SSH2: variants seen among roughly 807,000 people sequenced by gnomAD.
The protein encoded by SSH2 is slingshot protein phosphatase 2.
Under a neutral mutation model 135.2 loss-of-function variants are expected in SSH2, and 37 were observed. The observed-to-expected ratio is 0.27, with a 90% CI of 0.21 to 0.36. SSH2 has a LOEUF of 0.36. SSH2 is among the 10% of genes least tolerant of loss of function. The pLI, the probability that SSH2 is intolerant of heterozygous loss-of-function variation, is 1.00. For synonymous variants in SSH2, 628 were observed against 646.2 expected, an observed-to-expected ratio of 0.97 and a Z score of 0.43; for missense variants, 1,408 against 1,765.3, an observed-to-expected ratio of 0.80 and a Z score of 3.63.
At chr17:29,785,660 C>T (rs1447775224) in intron 3 of SSH2, among the ~76,000 whole-genome samples, 1 of 151,672 alleles carries the variant, frequency 6.6e-6, no homozygotes, top group Admixed American at 6.6e-5. Flanking sequence ...CCATCACGCT[C>T]AACTAATTTT....
At chr17:29,814,125 C>T (rs189054670) in intron 2 of SSH2, among the ~76,000 whole-genome samples, 600 of 48,220 alleles carry the variant, frequency 0.012, 3 homozygotes, top group African/African-American at 0.046. Context: ...AGTGAGACTT[C>T]GTCTCAAAAA....
chr17:29,843,381 A>G (rs768027765), intron 2 of SSH2, among the ~76,000 whole-genome samples: 26 of 152,074 alleles, frequency 1.7e-4, no homozygotes, highest in South Asian at 4.2e-4. Context: ...CTACAAATAA[A>G]AAATAATTGT....
chr17:29,792,042 C>A (rs768810207), intron 3 of SSH2, among the ~76,000 whole-genome samples: 10 of 151,634 alleles, frequency 6.6e-5, no homozygotes, highest in African/African-American at 2.4e-5. Context: ...TCTGCCTCAG[C>A]CTCCTGAGTA....
chr17:29,666,143 T>A (rs1224900319), intron 11 of SSH2, among the ~76,000 whole-genome samples: 1 of 151,784 alleles, frequency 6.6e-6, no homozygotes, highest in African/African-American at 2.4e-5. Context: ...AAGGACTAGG[T>A]GAGTGGATTG....
At chr17:29,735,540 T>C (rs1289844378) in intron 3 of SSH2, among the ~76,000 whole-genome samples, 1 of 151,448 alleles carries the variant, frequency 6.6e-6, no homozygotes, top group Non-Finnish European at 1.5e-5. Flanking sequence ...CTACTAAAAA[T>C]ACAAAAATTA....
At chr17:29,793,158 C>G (rs1006371173) in intron 3 of SSH2, among the ~76,000 whole-genome samples, 3 of 152,012 alleles carry the variant, frequency 2.0e-5, no homozygotes, top group African/African-American at 4.8e-5. Flanking sequence ...CTTTTAAAAA[C>G]CCTTAAAGGA....
In SSH2 at chr17:29,913,347, A is replaced by ATTAT. The variant is rs1429739888; in HGVS notation, c.63+16590_63+16591insATAA. Among the ~76,000 whole-genome samples, 10 of 28,778 alleles carry ATTAT rather than the reference A, an allele frequency of 3.5e-4. 2 individuals carry two copies. Among genetic ancestry groups the ATTAT allele is most frequent in the East Asian group, 2.2e-3 (1 of 450 alleles). 18.9% of individuals were successfully genotyped at this position (28,778 alleles called of 152,430 possible). A position where few individuals can be genotyped will look rare whatever the true frequency, so the allele number is the denominator to read the frequency against. ...AAAAAAAAAAAAAAAAAAAAAAAAAAATATATATATATATATATATATATA... is the reference window on the plus strand; with the variant it reads ...AAAAAAAAAAAAAAAAAAAAAAAAAATTATATATATATATATATATATATATATA... On this transcript the variant is annotated intron_variant, in intron 1 of 15. Coordinates refer to ENST00000540801, the MANE Select transcript of SSH2 (RefSeq NM_001282129.2).
chr17:29,743,052 C>T (rs971838805), intron 3 of SSH2, among the ~76,000 whole-genome samples: 2 of 152,164 alleles, frequency 1.3e-5, no homozygotes, highest in Non-Finnish European at 2.9e-5. Context: ...ATGCGTCAGC[C>T]TCTTGAGTAG....
chr17:29,898,704 A>C (rs924737302), intron 1 of SSH2, among the ~76,000 whole-genome samples: 4 of 152,194 alleles, frequency 2.6e-5, no homozygotes, highest in African/African-American at 9.6e-5. Flanking sequence ...CAGAGGTACA[A>C]GGAGGAGCTG....
chr17:29,851,361 C>T lies in SSH2; in HGVS notation c.64-2432G>A, dbSNP rs1478212927. On this transcript the variant is annotated intron_variant, in intron 1 of 15. Coordinates refer to ENST00000540801, the MANE Select transcript of SSH2 (RefSeq NM_001282129.2). ...CCTGTAATCCCAACACTTTGGGAGG[C>T]GGGTGGATCACCTGAGGTCAGGAGT... Among the ~76,000 whole-genome samples the T allele has an allele frequency of 5.9e-5, 9 of 151,946 alleles. No homozygotes were observed. The East Asian group carries it at 1.4e-3, about 23-fold the overall frequency.
chr17:29,813,568 A>G (rs1215492372), intron 2 of SSH2, among the ~76,000 whole-genome samples: 10 of 152,276 alleles, frequency 6.6e-5, no homozygotes, highest in African/African-American at 2.4e-4. Context: ...CTGTAATCCC[A>G]GCACTTTGGG....
At chr17:29,765,357 G>A (rs886215722) in intron 3 of SSH2, among the ~76,000 whole-genome samples, 2 of 152,188 alleles carry the variant, frequency 1.3e-5, no homozygotes, top group Admixed American at 6.5e-5. Context: ...CTTTGGCTCA[G>A]TACTTGGCAC....
intron 11 of SSH2, among the ~76,000 whole-genome samples, chr17:29,665,744 A>G (rs1045788688): frequency 2.0e-5 from 3 of 152,240 alleles, no homozygotes; most frequent in Admixed American, 1.3e-4. Context: ...ATAAGAACTA[A>G]AACTCTAACA....
intron 2 of SSH2, among the ~76,000 whole-genome samples, chr17:29,832,481 T>C (rs549528857): frequency 6.6e-6 from 1 of 152,362 alleles, no homozygotes; most frequent in African/African-American, 2.4e-5. Context: ...AATTTTGTTC[T>C]ACCCATTTGT....
chr17:29,695,585 C>G (rs1598820433), intron 4 of SSH2, 62 bp from the exon 5 acceptor site: 2 of 1,446,850 alleles, frequency 1.4e-6, no homozygotes, highest in Non-Finnish European at 9.6e-7. Flanking sequence ...AGAGAGGATT[C>G]CTTCTACTTT....
intron 2 of SSH2, among the ~76,000 whole-genome samples, chr17:29,813,031 G>T (rs987084032): frequency 1.3e-5 from 2 of 152,088 alleles, no homozygotes; most frequent in Admixed American, 1.3e-4. Flanking sequence ...GTATATAAAA[G>T]AATGAATTAA....
At chr17:29,904,851 C>T (rs954754736) in intron 1 of SSH2, among the ~76,000 whole-genome samples, 7 of 152,044 alleles carry the variant, frequency 4.6e-5, no homozygotes, top group African/African-American at 1.7e-4. Context: ...TTTCTATACA[C>T]CAACAACAGG....
At chr17:29,926,206 C>G in intron 1 of SSH2, among the ~76,000 whole-genome samples, 1 of 152,060 alleles carries the variant, frequency 6.6e-6, no homozygotes, top group African/African-American at 2.4e-5. Context: ...GCCTCTCTCT[C>G]TTTCTCAAAG....
At chr17:29,662,748 C>T (rs1046093662) in intron 11 of SSH2, among the ~76,000 whole-genome samples, 1 of 151,972 alleles carries the variant, frequency 6.6e-6, no homozygotes, top group Admixed American at 6.6e-5. Context: ...AAGCCTAGTA[C>T]TCATTAGCTA....
Sources: allele counts gnomAD v4.1 joint callset (sites outside exome capture counted in the v4.1 genomes callset), GRCh38; gene constraint gnomAD v4.1.1; transcripts MANE v1.5; gene names NCBI Gene and HGNC (gene_info 2026-07-23, HGNC 2026-07-21).